LRRC3B: variants seen among roughly 807,000 people sequenced by gnomAD.
The protein encoded by LRRC3B is leucine-rich repeat-containing protein 3B.
Under a neutral mutation model 12.8 loss-of-function variants are expected in LRRC3B, and 2 were observed. The observed-to-expected ratio is 0.16, with a 90% CI of 0.06 to 0.49. The LOEUF (loss-of-function observed/expected upper bound fraction) is 0.49. LRRC3B is among the 20% of genes least tolerant of loss of function. The pLI, the probability that LRRC3B is intolerant of heterozygous loss-of-function variation, is 0.96. For missense variants in LRRC3B, 189 were observed against 319.4 expected (o/e 0.59, Z 3.11); for synonymous variants, 132 against 122.0 (o/e 1.08, Z -0.54).
intron 1 of LRRC3B, among the ~76,000 whole-genome samples, chr3:26,633,675 A>T (rs1276919659): frequency 6.6e-6 from 1 of 152,196 alleles, no homozygotes; most frequent in Middle Eastern, 3.2e-3. Context: ...GATAAGACAG[A>T]TAGGAATATC....
chr3:26,688,193 A>T (rs889033122), intron 1 of LRRC3B, among the ~76,000 whole-genome samples: 2 of 152,262 alleles, frequency 1.3e-5, no homozygotes, highest in African/African-American at 4.8e-5. Flanking sequence ...AAATACATCC[A>T]CAGCTCTTTC....
intron 1 of LRRC3B, among the ~76,000 whole-genome samples, chr3:26,638,595 A>G (rs1698954437): frequency 6.6e-6 from 1 of 152,256 alleles, no homozygotes; most frequent in Non-Finnish European, 1.5e-5. Context: ...AGATGGGATT[A>G]TAAAAAGAAT....
chr3:26,643,734 T>C (rs899750394), intron 1 of LRRC3B, among the ~76,000 whole-genome samples: 2 of 152,218 alleles, frequency 1.3e-5, no homozygotes, highest in Non-Finnish European at 2.9e-5. Context: ...TGTTGAATGA[T>C]TTGAAAGTGA....
chr3:26,676,210 T>A (rs930999989), intron 1 of LRRC3B, among the ~76,000 whole-genome samples: 4 of 151,462 alleles, frequency 2.6e-5, no homozygotes, highest in African/African-American at 9.7e-5. Flanking sequence ...ATTAGGTATA[T>A]CTCCTAATGC....
intron 1 of LRRC3B, among the ~76,000 whole-genome samples, chr3:26,641,781 A>T (rs1452078147): frequency 6.6e-6 from 1 of 151,848 alleles, no homozygotes; most frequent in African/African-American, 2.4e-5. Context: ...ATTTAAAAAA[A>T]TCAAATTTTT....
chr3:26,693,041 C>G lies in LRRC3B; in HGVS notation c.-160-16472C>G, dbSNP rs1049114149. On this transcript the variant is annotated intron_variant, in intron 1 of 1. Coordinates refer to ENST00000396641, the Ensembl canonical transcript of LRRC3B. Reference sequence around the variant, plus strand: ...TGATGGCTGGGCAGGGTTCTAAGATCAAGAGCAGGCCGGGCGCGGTGGCTC... The same window carrying G: ...TGATGGCTGGGCAGGGTTCTAAGATGAAGAGCAGGCCGGGCGCGGTGGCTC... 3.9e-5 allele frequency among the ~76,000 whole-genome samples: 6 copies of G among 152,280 alleles called. No individual in the cohort carries two copies. In the South Asian group the frequency reaches 1.2e-3, roughly 32 times the overall value.
intron 1 of LRRC3B, among the ~76,000 whole-genome samples, chr3:26,661,471 G>A (rs774147727): frequency 2.6e-5 from 4 of 152,032 alleles, no homozygotes; most frequent in South Asian, 2.1e-4. Context: ...TGTAGTTGTC[G>A]TGAATTGTCA....
intron 1 of LRRC3B, among the ~76,000 whole-genome samples, chr3:26,650,558 T>C (rs951429577): frequency 1.3e-5 from 2 of 152,188 alleles, no homozygotes; most frequent in African/African-American, 4.8e-5. Context: ...TTTGAAAATA[T>C]TGTAAACCAA....
At chr3:26,662,694 G>C (rs564662530) in intron 1 of LRRC3B, among the ~76,000 whole-genome samples, 8 of 152,134 alleles carry the variant, frequency 5.3e-5, no homozygotes, top group Middle Eastern at 3.4e-3. Flanking sequence ...AGAGAGTGTG[G>C]CTACTTTGGT....
At chr3:26,676,078 CT>C (rs997808469) in intron 1 of LRRC3B, among the ~76,000 whole-genome samples, 7 of 148,014 alleles carry the variant, frequency 4.7e-5, no homozygotes, top group African/African-American at 1.0e-4. Context: ...CCTGTTTTTT[CT>C]TTTTTTTTAA....
chr3:26,694,874 T>A (rs1700272375), intron 1 of LRRC3B: 1 of 152,258 alleles, frequency 6.6e-6, no homozygotes, highest in African/African-American at 2.4e-5. Flanking sequence ...TGTTTGTTGC[T>A]TAGTTGTTAT....
intron 1 of LRRC3B, among the ~76,000 whole-genome samples, chr3:26,688,410 C>T (rs985018693): frequency 6.6e-6 from 1 of 152,184 alleles, no homozygotes; most frequent in Admixed American, 6.5e-5. Context: ...TTAGCCTATT[C>T]CTAGATTTCT....
intron 1 of LRRC3B, among the ~76,000 whole-genome samples, chr3:26,667,624 T>C (rs1294521292): frequency 6.6e-6 from 1 of 152,194 alleles, no homozygotes; most frequent in Non-Finnish European, 1.5e-5. Context: ...TGGAATTGGA[T>C]AGAGCAAAAG....
Position 26,636,918 on chromosome 3 carries a change from CT to C in LRRC3B, c.-161+13684del, listed in dbSNP as rs1401310108. Among the ~76,000 whole-genome samples, 2 of 47,838 alleles carry C rather than the reference CT, an allele frequency of 4.2e-5. 1 individual carries two copies. Among genetic ancestry groups the C allele is most frequent in the Admixed American group, 4.7e-4 (2 of 4,228 alleles). 31.4% of individuals were successfully genotyped at this position (47,838 alleles called of 152,430 possible). A position where few individuals can be genotyped will look rare whatever the true frequency, so the allele number is the denominator to read the frequency against. Reference sequence around the variant, plus strand: ...TCTCTCTCTCTTTCTCTCTTTCTCTCTTTCTTTCTTTCTTTCTTTCTTTCTT... The same window carrying C: ...TCTCTCTCTCTTTCTCTCTTTCTCTCTTCTTTCTTTCTTTCTTTCTTTCTT... On this transcript the variant is annotated intron_variant, in intron 1 of 1. Transcript: ENST00000396641.
intron 1 of LRRC3B, among the ~76,000 whole-genome samples, chr3:26,695,417 C>G (rs1700289264): frequency 6.6e-6 from 1 of 151,998 alleles, no homozygotes; most frequent in Admixed American, 6.6e-5. Context: ...GTCCCAGCTA[C>G]TTGGGAGGCC....
chr3:26,680,888 G>A (rs1262267545), intron 1 of LRRC3B, among the ~76,000 whole-genome samples: 4 of 152,240 alleles, frequency 2.6e-5, no homozygotes, highest in South Asian at 4.2e-4. Flanking sequence ...CTAGAAAGAA[G>A]GTGTTATCAT....
At chr3:26,646,008 T>C (rs1254606736) in intron 1 of LRRC3B, among the ~76,000 whole-genome samples, 1 of 152,206 alleles carries the variant, frequency 6.6e-6, no homozygotes, top group Admixed American at 6.5e-5. Context: ...CAAGTGACCA[T>C]ACAATGTGGC....
chr3:26,703,317 G>A (rs918379690), intron 1 of LRRC3B, among the ~76,000 whole-genome samples: 3 of 150,398 alleles, frequency 2.0e-5, no homozygotes, highest in African/African-American at 7.5e-5. Context: ...CAAACTTCAG[G>A]TTTTGTGAAA....
At chr3:26,682,987 C>T (rs1041481411) in intron 1 of LRRC3B, among the ~76,000 whole-genome samples, 1 of 152,134 alleles carries the variant, frequency 6.6e-6, no homozygotes, top group Non-Finnish European at 1.5e-5. Context: ...AAAAACAATC[C>T]TATCTATAGT....
Sources: allele counts gnomAD v4.1 joint callset (sites outside exome capture counted in the v4.1 genomes callset), GRCh38; gene constraint gnomAD v4.1.1; transcripts MANE v1.5; gene names NCBI Gene and HGNC (gene_info 2026-07-23, HGNC 2026-07-21).